Variants in YLPM1 observed in about 807,000 individuals in gnomAD.
The protein encoded by YLPM1 is YLP motif containing 1, also known as YLP motif-containing protein 1.
YLPM1 carries 99 observed loss-of-function variants against 230.0 expected under a neutral mutation model. That is an observed-to-expected ratio of 0.43 (90% CI 0.37 to 0.51). YLPM1 has a LOEUF of 0.51. YLPM1 is among the 20% of genes least tolerant of loss of function. The pLI is 0.00. For synonymous variants in YLPM1, 984 were observed against 942.5 expected (o/e 1.04, Z -0.81); for missense variants, 2,592 against 2,707.7 (o/e 0.96, Z 0.95).
At position 74,771,863 on chromosome 14, in the gene YLPM1, A is replaced by T. The variant is rs148925392; in HGVS notation, c.874-6584A>T. Reference sequence around the variant, plus strand: ...TGAAGTAAATGAGCATTTAAAATAAAAATAGGTGGGGACTAAGCTTATCTG... The same window carrying T: ...TGAAGTAAATGAGCATTTAAAATAATAATAGGTGGGGACTAAGCTTATCTG... On this transcript the variant is annotated intron_variant, in intron 1 of 20. Coordinates refer to ENST00000325680, the MANE Select transcript of YLPM1 (RefSeq NM_019589.3). Among the ~76,000 whole-genome samples, 9 of 152,324 alleles carry T rather than the reference A, an allele frequency of 5.9e-5. No individual in the cohort carries two copies. In the East Asian group the frequency reaches 1.7e-3, roughly 29 times the overall value.
intron 4 of YLPM1, 59 bp downstream of exon 4, chr14:74,782,384 T>A (rs1297740275): frequency 6.7e-7 from 1 of 1,481,504 alleles, no homozygotes; most frequent in African/African-American, 1.4e-5. Context: ...ACTTAGGCTA[T>A]TTGGTTCTCG....
intron 16 of YLPM1, 42 bp downstream of exon 16, chr14:74,818,356 C>T (rs747051463): frequency 2.7e-6 from 4 of 1,496,828 alleles, no homozygotes; most frequent in Non-Finnish European, 3.6e-6. Flanking sequence ...AGTGATGTTA[C>T]TTTTTCACCT....
chr14:74,817,034 T>C lies in YLPM1; in HGVS notation c.5789T>C (p.Ile1930Thr). 6.2e-7 allele frequency: 1 copy of C among 1,612,200 alleles called. No individual in the cohort carries two copies. The highest frequency in any genetic ancestry group is 2.2e-5 in the East Asian group (1 of 44,852). Residue 1930 changes from isoleucine (I) to threonine (T), a missense_variant, in exon 14 of 21, where the codon ATC becomes ACC. Transcript: ENST00000325680. ...GATGATGGCTTTTTTCCCTTCATCA[T>C]CCTGGATGCCATCAATGACAGAGTT... The part of the protein sequence containing the change: ...TLDDGFFPFI[I>T]LDAINDRVRH...
intron 11 of YLPM1, among the ~76,000 whole-genome samples, chr14:74,813,338 T>A (rs1381773662): frequency 2.0e-5 from 3 of 152,226 alleles, no homozygotes; most frequent in South Asian, 2.1e-4. Flanking sequence ...GCATGATAAA[T>A]CTTTTACCAT....
At chr14:74,787,772 T>G (rs570771080) in intron 4 of YLPM1, among the ~76,000 whole-genome samples, 1 of 152,152 alleles carries the variant, frequency 6.6e-6, no homozygotes, top group East Asian at 1.9e-4. Context: ...CTCAGTACTT[T>G]GGGAGGCCTA....
intron 5 of YLPM1, among the ~76,000 whole-genome samples, chr14:74,800,479 G>C (rs780993923): frequency 6.6e-6 from 1 of 152,184 alleles, no homozygotes; most frequent in Non-Finnish European, 1.5e-5. Context: ...TCTTGGGATA[G>C]GAATTTAGAA....
At chr14:74,764,869 A>G (rs1448073359) in intron 1 of YLPM1, among the ~76,000 whole-genome samples, 2 of 152,194 alleles carry the variant, frequency 1.3e-5, no homozygotes, top group Non-Finnish European at 2.9e-5. Flanking sequence ...TTTCAGAAAA[A>G]GGATGGAAAT....
intron 19 of YLPM1, among the ~76,000 whole-genome samples, chr14:74,829,590 G>A (rs916469197): frequency 1.3e-5 from 2 of 152,142 alleles, no homozygotes; most frequent in Non-Finnish European, 1.5e-5. Context: ...CATTGGGAGT[G>A]GCCAGTCACT....
At chr14:74,833,373 C>T (rs1213343181) in intron 19 of YLPM1, among the ~76,000 whole-genome samples, 1 of 152,106 alleles carries the variant, frequency 6.6e-6, no homozygotes, top group Non-Finnish European at 1.5e-5. Context: ...CTCATCCTCC[C>T]TAGTAGCTAG....
In YLPM1 at chr14:74,769,004, G is replaced by A. The variant is rs1034061913; in HGVS notation, c.873+4642G>A. ...TAAATAATTGAATATAGCTGGGAGC[G>A]CTAACCTAATTAAAGAGGATTCCCT... On this transcript the variant is annotated intron_variant, in intron 1 of 20. Transcript: ENST00000325680. Among the ~76,000 whole-genome samples, 25 of 151,786 alleles carry A rather than the reference G, an allele frequency of 1.6e-4. No individual in the cohort carries two copies. In the South Asian group the frequency reaches 3.3e-3, roughly 20 times the overall value.
chr14:74,787,916 G>A (rs1297095500), intron 4 of YLPM1, among the ~76,000 whole-genome samples: 2 of 152,022 alleles, frequency 1.3e-5, no homozygotes, highest in East Asian at 3.9e-4. Flanking sequence ...TCAGGAGGCT[G>A]AGGCATGAGA....
At position 74,778,564 on chromosome 14, in the gene YLPM1, AAAG is replaced by A. The variant is rs150900829; in HGVS notation, c.998_1000del (p.Glu333del). On this transcript the variant is annotated inframe_deletion, in exon 2 of 21. Coordinates refer to ENST00000325680, the MANE Select transcript of YLPM1 (RefSeq NM_019589.3). The stretch of plus-strand genomic sequence containing the variant: ...AGCAAAGGATACACCAGAGCCGGTA[AAAG>A]AAGAAGTTACAGTACCTGCCACCAG... 626 of 1,606,144 alleles carry A rather than the reference AAAG, an allele frequency of 3.9e-4. 4 individuals carry two copies. In the African/African-American group the frequency reaches 6.8e-3, roughly 18 times the overall value.
intron 1 of YLPM1, among the ~76,000 whole-genome samples, chr14:74,775,387 G>A (rs2091025243): frequency 1.3e-5 from 2 of 152,054 alleles, no homozygotes; most frequent in African/African-American, 2.4e-5. Flanking sequence ...GTGAGAAAAA[G>A]GTATGTATTA....
chr14:74,808,083 T>C (rs541707989), intron 6 of YLPM1, among the ~76,000 whole-genome samples: 1 of 152,200 alleles, frequency 6.6e-6, no homozygotes, highest in Non-Finnish European at 1.5e-5. Context: ...CCACCCTAAT[T>C]TGGAGTATGG....
rs763896644 is a variant in YLPM1 at position 74,763,888 on chromosome 14, C to T, written c.399C>T (p.Asp133=). ...YKHQMLHHQR[D]GPPGLVPMEL... ...ACCAGATGCTCCACCACCAACGAGA[C>T]GGGCCTCCTGGTTTGGTTCCAATGG... Residue 133 remains aspartate (D), a synonymous_variant, in exon 1 of 21, where the codon GAC becomes GAT. Coordinates refer to ENST00000325680, the MANE Select transcript of YLPM1 (RefSeq NM_019589.3). 2 of 1,552,708 alleles carry T rather than the reference C, an allele frequency of 1.3e-6. No individual in the cohort carries two copies. The highest frequency in any genetic ancestry group is 1.4e-5 in the African/African-American group (1 of 73,092).
intron 1 of YLPM1, among the ~76,000 whole-genome samples, chr14:74,772,551 G>A (rs181165599): frequency 1.3e-5 from 2 of 152,012 alleles, no homozygotes; most frequent in East Asian, 3.9e-4. Context: ...TAGAGACAGG[G>A]TTTCACCATG....
chr14:74,829,147 C>G, intron 18 of YLPM1, 66 bp from the exon 19 acceptor site: 1 of 1,584,794 alleles, frequency 6.3e-7, no homozygotes, highest in Non-Finnish European at 8.6e-7. Context: ...TTCTTTTCCC[C>G]TGTGTGTGTG....
intron 18 of YLPM1, 88 bp downstream of exon 18, chr14:74,824,395 A>G (rs2091546640): frequency 2.9e-6 from 4 of 1,357,760 alleles, no homozygotes; most frequent in Non-Finnish European, 4.1e-6. Context: ...CAAATTTCCT[A>G]AAACTTCTAC....
Position 74,799,599 on chromosome 14 carries a change from A to G in YLPM1, c.4302A>G (p.Ala1434=). ...HHSSEMMGSD[A]SLDSDQGLGG... ...CCTCAGAAATGATGGGGTCCGATGC[A>G]AGCTTAGACTCTGACCAAGGCCTTG... Residue 1434 remains alanine, a synonymous_variant, in exon 5 of 21, where the codon GCA becomes GCG. Transcript: ENST00000325680. 6.2e-7 allele frequency: 1 copy of G among 1,613,996 alleles called. No homozygotes were observed. Among genetic ancestry groups the G allele is most frequent in the South Asian group, 1.1e-5 (1 of 91,082 alleles).
Sources: gnomAD v4.1 joint callset for allele counts (sites outside exome capture counted in the v4.1 genomes callset) on GRCh38, gnomAD v4.1.1 for gene constraint, MANE v1.5 for transcripts, NCBI Gene and HGNC (gene_info 2026-07-23, HGNC 2026-07-21) for gene names.